MAGI2: variants seen among roughly 807,000 people sequenced by gnomAD.
The protein encoded by MAGI2 is membrane-associated guanylate kinase, WW and PDZ domain-containing protein 2.
MAGI2 carries 35 observed loss-of-function variants against 133.3 expected under a neutral mutation model. The ratio of observed to expected loss-of-function variants is 0.26; its 90% CI spans 0.20 to 0.35. The LOEUF is 0.35. Ranked by LOEUF, MAGI2 falls within the 10% of genes least tolerant of loss-of-function variation. The pLI, the probability that MAGI2 is intolerant of heterozygous loss-of-function variation, is 1.00. For synonymous variants in MAGI2, 729 were observed against 710.6 expected, an observed-to-expected ratio of 1.03 and a Z score of -0.41; for missense variants, 1,636 against 1,863.4, an observed-to-expected ratio of 0.88 and a Z score of 2.25.
chr7:78,875,583 GAACA>G (rs1446688117), intron 2 of MAGI2, among the ~76,000 whole-genome samples: 2 of 151,992 alleles, frequency 1.3e-5, no homozygotes, highest in Non-Finnish European at 2.9e-5. Flanking sequence ...TTACTTATCA[GAACA>G]AACAAAGAAA....
chr7:78,128,452 C>G (rs981729045), intron 18 of MAGI2, among the ~76,000 whole-genome samples: 1 of 151,958 alleles, frequency 6.6e-6, no homozygotes, highest in Admixed American at 6.6e-5. Context: ...ACAATTTTAT[C>G]TAAAATTAAT....
At position 79,431,994 on chromosome 7, in the gene MAGI2, A is replaced by G. The variant is rs188822539; in HGVS notation, c.301+21026T>C. On this transcript the variant is annotated intron_variant, in intron 1 of 21. Coordinates refer to ENST00000354212, the MANE Select transcript of MAGI2 (RefSeq NM_012301.4). Reference sequence around the variant, plus strand: ...ATGTTTAACTAATATGATTTTAAAAATGCTTTACTCATAGAGTTAATGTGA... The same window carrying G: ...ATGTTTAACTAATATGATTTTAAAAGTGCTTTACTCATAGAGTTAATGTGA... Among the ~76,000 whole-genome samples the G allele has an allele frequency of 2.4e-3, 370 of 152,310 alleles. 3 individuals are homozygous for G. The highest frequency in any genetic ancestry group is 3.8e-3 in the Non-Finnish European group (259 of 68,024).
intron 2 of MAGI2, among the ~76,000 whole-genome samples, chr7:78,882,350 A>G (rs1210610245): frequency 1.3e-5 from 2 of 151,932 alleles, no homozygotes; most frequent in African/African-American, 4.8e-5. Context: ...CCAACATTGA[A>G]TTCTGTTATT....
chr7:78,505,922 C>T (rs1795045973), intron 4 of MAGI2, among the ~76,000 whole-genome samples: 1 of 67,974 alleles, frequency 1.5e-5, no homozygotes, highest in Non-Finnish European at 2.7e-5. Flanking sequence ...TTAAGTGAGG[C>T]TCTGAAGGTA....
chr7:78,686,051 G>A (rs1185666486), intron 2 of MAGI2, among the ~76,000 whole-genome samples: 1 of 150,276 alleles, frequency 6.7e-6, no homozygotes, highest in Non-Finnish European at 1.5e-5. Context: ...ACATTGGAAG[G>A]TGTGCTTTTG....
At chr7:78,729,107 T>C (rs1163565327) in intron 2 of MAGI2, among the ~76,000 whole-genome samples, 3 of 152,178 alleles carry the variant, frequency 2.0e-5, no homozygotes, top group African/African-American at 7.2e-5. Flanking sequence ...GTCTTTACAA[T>C]GTGTTAGATA....
At chr7:79,367,160 C>G (rs1732021313) in intron 1 of MAGI2, among the ~76,000 whole-genome samples, 1 of 152,184 alleles carries the variant, frequency 6.6e-6, no homozygotes, top group Admixed American at 6.5e-5. Context: ...TCCACTTACC[C>G]ATCCGTCGCA....
intron 6 of MAGI2, among the ~76,000 whole-genome samples, chr7:78,479,766 C>A (rs1792168063): frequency 6.6e-6 from 1 of 151,842 alleles, no homozygotes; most frequent in African/African-American, 2.4e-5. Flanking sequence ...TGAGAAAAGA[C>A]AATAAACTAA....
chr7:78,745,222 A>C (rs1822810140), intron 2 of MAGI2, among the ~76,000 whole-genome samples: 1 of 152,224 alleles, frequency 6.6e-6, no homozygotes, highest in South Asian at 2.1e-4. Context: ...CATATAAAAT[A>C]AGTCTCAACT....
chr7:78,175,787 C>T (rs1003943882), intron 14 of MAGI2, among the ~76,000 whole-genome samples: 6 of 151,914 alleles, frequency 3.9e-5, no homozygotes, highest in African/African-American at 7.3e-5. Flanking sequence ...GATAATGACA[C>T]GTTTTTCAAT....
intron 1 of MAGI2, among the ~76,000 whole-genome samples, chr7:79,196,203 T>C (rs1828065201): frequency 6.6e-6 from 1 of 150,534 alleles, no homozygotes; most frequent in Admixed American, 6.6e-5. Flanking sequence ...GGTAAATCCA[T>C]AATTTCATGT....
intron 1 of MAGI2, among the ~76,000 whole-genome samples, chr7:79,076,764 T>C (rs1053146133): frequency 6.6e-6 from 1 of 152,216 alleles, no homozygotes; most frequent in Non-Finnish European, 1.5e-5. Flanking sequence ...AGATGTCCCA[T>C]AAGTTATTCT....
intron 1 of MAGI2, among the ~76,000 whole-genome samples, chr7:79,011,928 T>C (rs56134114): frequency 0.38 from 20,350 of 53,550 alleles, 2,173 homozygotes; most frequent in East Asian, 0.42. Flanking sequence ...TTCCTTCCTT[T>C]CTTTCTTTCT....
intron 20 of MAGI2, among the ~76,000 whole-genome samples, chr7:78,102,791 A>G (rs1343949740): frequency 6.6e-6 from 1 of 152,252 alleles, no homozygotes; most frequent in African/African-American, 2.4e-5. Context: ...ATGAAATTTT[A>G]CTTGAGAAAG....
intron 2 of MAGI2, among the ~76,000 whole-genome samples, chr7:78,930,319 T>C (rs1800017259): frequency 6.6e-6 from 1 of 152,142 alleles, no homozygotes. Flanking sequence ...TGAAAATTAT[T>C]GTAGGAACTC....
At chr7:79,229,953 C>A (rs1200652772) in intron 1 of MAGI2, among the ~76,000 whole-genome samples, 26 of 110,948 alleles carry the variant, frequency 2.3e-4, no homozygotes, top group African/African-American at 9.2e-4. Flanking sequence ...CCTCCCCCCA[C>A]CCTCACAGTC....
rs1443280731 is a variant in MAGI2, at chr7:78,066,041, C to T, written c.3706+12906G>A. On this transcript the variant is annotated intron_variant, in intron 21 of 21. Coordinates refer to ENST00000354212, the MANE Select transcript of MAGI2 (RefSeq NM_012301.4). The stretch of plus-strand genomic sequence containing the variant: ...TCAACTGTCATTTGAGAATCAGTCA[C>T]AGTAATCATTTCTAAATTTTAAAAG... 2.0e-5 allele frequency among the ~76,000 whole-genome samples: 3 copies of T among 152,208 alleles called. No homozygotes were observed. In the South Asian group the frequency reaches 6.2e-4, roughly 32 times the overall value.
chr7:79,265,344 A>G (rs1038736294), intron 1 of MAGI2, among the ~76,000 whole-genome samples: 3 of 152,186 alleles, frequency 2.0e-5, no homozygotes, highest in Admixed American at 2.0e-4. Flanking sequence ...CTGTACTGCT[A>G]TACTGCACTA....
At chr7:79,222,720 T>A (rs1830530267) in intron 1 of MAGI2, among the ~76,000 whole-genome samples, 1 of 152,088 alleles carries the variant, frequency 6.6e-6, no homozygotes, top group Non-Finnish European at 1.5e-5. Context: ...ATTCCAAATG[T>A]ACCTTTACTA....
Sources: allele counts gnomAD v4.1 joint callset (sites outside exome capture counted in the v4.1 genomes callset), GRCh38; gene constraint gnomAD v4.1.1; transcripts MANE v1.5; gene names NCBI Gene and HGNC (gene_info 2026-07-23, HGNC 2026-07-21).